Variants in DENND4A observed in about 807,000 individuals in gnomAD.
The protein encoded by DENND4A is DENN domain containing 4A, also known as C-myc promoter-binding protein.
In DENND4A, 70 loss-of-function variants were observed where a neutral mutation model predicts 199.3. That is an observed-to-expected ratio of 0.35 (90% confidence interval 0.29 to 0.43). The LOEUF is 0.43. DENND4A is among the 20% of genes least tolerant of loss of function. The probability of loss-of-function intolerance (pLI) is 1.00; values close to 1 mark genes in which losing one functional copy is unlikely to be tolerated. For missense variants in DENND4A, 1,723 were observed against 2,255.8 expected (o/e 0.76, Z 4.78); for synonymous variants, 686 against 766.9 (o/e 0.89, Z 1.74).
intron 4 of DENND4A, among the ~76,000 whole-genome samples, chr15:65,742,134 A>C (rs1454182806): frequency 2.0e-5 from 3 of 152,234 alleles, no homozygotes; most frequent in Non-Finnish European, 4.4e-5. Context: ...CTTTGACTCC[A>C]CAATCTGTTT....
intron 32 of DENND4A, among the ~76,000 whole-genome samples, chr15:65,663,671 A>G (rs535697956): frequency 1.3e-5 from 2 of 152,144 alleles, no homozygotes; most frequent in South Asian, 4.2e-4. Flanking sequence ...TTTTTATCAG[A>G]TAAGGTCTTG....
chr15:65,685,098 A>G (rs1452773016), intron 23 of DENND4A, among the ~76,000 whole-genome samples: 5 of 150,816 alleles, frequency 3.3e-5, no homozygotes, highest in South Asian at 2.1e-4. Context: ...AAGTTCTCAG[A>G]TTACAGGCAT....
At chr15:65,724,381 GTT>G (rs35006844) in intron 11 of DENND4A, among the ~76,000 whole-genome samples, 29,688 of 143,226 alleles carry the variant, frequency 0.21, 3,535 homozygotes, top group African/African-American at 0.34. Flanking sequence ...TTTTTGAATC[GTT>G]TTTTTTTTTT....
rs1476090449 is a variant in DENND4A, at chr15:65,702,290, T to G, written c.2430+15A>C. ...TCTCAAAAAAATAAAATAACAACAA[T>G]AAAATAATTGTTACCTCATCAGGTG... On this transcript the variant is annotated intron_variant, in intron 17 of 32. Coordinates refer to ENST00000443035, the MANE Select transcript of DENND4A (RefSeq NM_001320835.1). The G allele has an allele frequency of 6.5e-7, 1 of 1,543,586 alleles. No homozygotes were observed. The highest frequency in any genetic ancestry group is 8.8e-7 in the Non-Finnish European group (1 of 1,140,168).
chr15:65,775,090 C>A (rs2077245319), intron 1 of DENND4A, among the ~76,000 whole-genome samples: 1 of 152,178 alleles, frequency 6.6e-6, no homozygotes, highest in Admixed American at 6.5e-5. Context: ...TCATCCACTG[C>A]ATGAAGGTCC....
At chr15:65,727,911 C>T in intron 11 of DENND4A, 1 of 261,894 alleles carries the variant, frequency 3.8e-6, no homozygotes, top group East Asian at 1.3e-4. Context: ...ACCCTTGCAT[C>T]CCTAGGGTGT....
Position 65,760,326 on chromosome 15 carries a change from G to A in DENND4A, c.-23+1034C>T, listed in dbSNP as rs189709804. 1.8e-3 allele frequency among the ~76,000 whole-genome samples: 279 copies of A among 151,990 alleles called. 3 individuals are homozygous for A. The highest frequency in any genetic ancestry group is 0.013 in the Admixed American group (197 of 15,246). ...AGGCTGGCTAACACGGTGAAACCCCGTCTCTACTTAAAATACAAAAAATTA... is the reference window on the plus strand; with the variant it reads ...AGGCTGGCTAACACGGTGAAACCCCATCTCTACTTAAAATACAAAAAATTA... On this transcript the variant is annotated intron_variant, in intron 2 of 32. Coordinates refer to ENST00000443035, the MANE Select transcript of DENND4A (RefSeq NM_001320835.1).
chr15:65,696,558 CAA>C (rs1354843258), intron 21 of DENND4A, 61 bp from the exon 22 acceptor site: 14 of 1,314,574 alleles, frequency 1.1e-5, no homozygotes, highest in Non-Finnish European at 1.4e-5. Context: ...TAGGAGGTAT[CAA>C]GAGAAGTTTT....
chr15:65,781,497 A>C (rs1435695820), intron 1 of DENND4A, among the ~76,000 whole-genome samples: 1 of 152,226 alleles, frequency 6.6e-6, no homozygotes, highest in African/African-American at 2.4e-5. Flanking sequence ...GATTCAAAAA[A>C]TATTTAGGAG....
rs751961186 is a variant in DENND4A, at chr15:65,702,524, T to C, written c.2224-13A>G. On this transcript the variant is annotated splice_polypyrimidine_tract_variant and intron_variant, in intron 16 of 32. Coordinates refer to ENST00000443035, the MANE Select transcript of DENND4A (RefSeq NM_001320835.1). Reference sequence around the variant, plus strand: ...CTGATTTAATTTCCTGGAAAAAATATAAAGATCTTACTAATAAATTTATGC... The same window carrying C: ...CTGATTTAATTTCCTGGAAAAAATACAAAGATCTTACTAATAAATTTATGC... 28 of 1,554,308 alleles carry C rather than the reference T, an allele frequency of 1.8e-5. No individual in the cohort carries two copies. The highest frequency in any genetic ancestry group is 1.2e-4 in the Admixed American group (6 of 51,816).
At chr15:65,689,565 T>G (rs996961669) in intron 23 of DENND4A, among the ~76,000 whole-genome samples, 2 of 152,198 alleles carry the variant, frequency 1.3e-5, no homozygotes, top group African/African-American at 4.8e-5. Context: ...GGTTTGCCAA[T>G]GGTCCTAAGG....
intron 14 of DENND4A, among the ~76,000 whole-genome samples, chr15:65,708,541 T>G (rs2075135822): frequency 6.6e-6 from 1 of 152,230 alleles, no homozygotes; most frequent in East Asian, 1.9e-4. Flanking sequence ...AATCTCATTT[T>G]AACATTATAA....
intron 3 of DENND4A, among the ~76,000 whole-genome samples, chr15:65,754,616 T>C (rs1485599949): frequency 6.6e-6 from 1 of 152,232 alleles, no homozygotes. Flanking sequence ...AGGATCTGAA[T>C]AGACATTTCT....
Position 65,690,042 on chromosome 15 carries a change from C to T in DENND4A, c.4179+373G>A, listed in dbSNP as rs537682067. Reference sequence around the variant, plus strand: ...TATGTAAGTCTATCGTAAGTTACTCCATCCTAACCAGAAGGGCAAATCATA... The same window carrying T: ...TATGTAAGTCTATCGTAAGTTACTCTATCCTAACCAGAAGGGCAAATCATA... On this transcript the variant is annotated intron_variant, in intron 23 of 32. Transcript: ENST00000443035. Among the ~76,000 whole-genome samples, 31 of 152,252 alleles carry T rather than the reference C, an allele frequency of 2.0e-4. No individual in the cohort carries two copies. The East Asian group carries it at 4.1e-3, about 20-fold the overall frequency.
intron 4 of DENND4A, among the ~76,000 whole-genome samples, 176 bp from the exon 5 acceptor site, chr15:65,741,960 T>C (rs1379981655): frequency 6.6e-6 from 1 of 152,238 alleles, no homozygotes; most frequent in East Asian, 1.9e-4. Flanking sequence ...CTGTCCACTT[T>C]TCTTTCAGAA....
chr15:65,749,165 A>C (rs749940150), intron 4 of DENND4A, among the ~76,000 whole-genome samples: 12 of 152,220 alleles, frequency 7.9e-5, no homozygotes, highest in Non-Finnish European at 1.5e-4. Flanking sequence ...AAATCTTAAT[A>C]GTAAATATGC....
chr15:65,758,274 G>T (rs2076764995), intron 2 of DENND4A, among the ~76,000 whole-genome samples: 1 of 152,136 alleles, frequency 6.6e-6, no homozygotes, highest in Non-Finnish European at 1.5e-5. Flanking sequence ...TCACATATTT[G>T]CAGTCTCCTT....
At chr15:65,758,352 C>T (rs1567084394) in intron 2 of DENND4A, among the ~76,000 whole-genome samples, 2 of 152,158 alleles carry the variant, frequency 1.3e-5, no homozygotes, top group Admixed American at 6.5e-5. Context: ...CTCGCTCTGT[C>T]GCCCAGGCTG....
chr15:65,749,208 A>C (rs2076496070), intron 4 of DENND4A, among the ~76,000 whole-genome samples: 2 of 152,204 alleles, frequency 1.3e-5, no homozygotes, highest in Non-Finnish European at 2.9e-5. Flanking sequence ...ACGAACCATA[A>C]GGAAATAATT....
Sources: allele counts gnomAD v4.1 joint callset (sites outside exome capture counted in the v4.1 genomes callset), GRCh38; gene constraint gnomAD v4.1.1; transcripts MANE v1.5; gene names NCBI Gene and HGNC (gene_info 2026-07-23, HGNC 2026-07-21).